The following RBMS3 variants were observed in gnomAD, a reference collection of about 807,000 sequenced individuals.
The protein encoded by RBMS3 is RNA-binding motif, single-stranded-interacting protein 3.
In RBMS3, 27 loss-of-function variants were observed where a neutral mutation model predicts 66.8. The ratio of observed to expected loss-of-function variants is 0.40; its 90% CI spans 0.30 to 0.56. The LOEUF is 0.56. RBMS3 is among the 20% of genes least tolerant of loss of function. The pLI is 0.40. For missense variants in RBMS3, 513 were observed against 549.5 expected, an observed-to-expected ratio of 0.93 and a Z score of 0.66; for synonymous variants, 188 against 183.0, an observed-to-expected ratio of 1.03 and a Z score of -0.22.
intron 1 of RBMS3, among the ~76,000 whole-genome samples, chr3:29,391,374 A>G (rs1006958863): frequency 1.2e-4 from 19 of 152,354 alleles, no homozygotes; most frequent in Admixed American, 3.9e-4. Context: ...AGATGGAGCA[A>G]GCCAGGTAGA....
intron 1 of RBMS3, among the ~76,000 whole-genome samples, chr3:29,427,117 G>A (rs1373288315): frequency 2.6e-5 from 4 of 152,200 alleles, no homozygotes; most frequent in Admixed American, 2.6e-4. Context: ...TTCATGAGGA[G>A]TTTTGTCTTT....
intron 3 of RBMS3, among the ~76,000 whole-genome samples, chr3:29,507,680 G>A (rs918539204): frequency 6.6e-6 from 1 of 152,010 alleles, no homozygotes; most frequent in Non-Finnish European, 1.5e-5. Context: ...ACAAGACCTA[G>A]CACATAATAT....
intron 1 of RBMS3, among the ~76,000 whole-genome samples, chr3:29,377,988 C>G (rs868035665): frequency 5.9e-5 from 9 of 152,212 alleles, no homozygotes; most frequent in Middle Eastern, 3.4e-3. Context: ...ATATTATCAC[C>G]TTAATATATA....
At chr3:29,631,951 C>T (rs1200396202) in intron 4 of RBMS3, among the ~76,000 whole-genome samples, 1 of 151,938 alleles carries the variant, frequency 6.6e-6, no homozygotes, top group African/African-American at 2.4e-5. Flanking sequence ...GCGACACATA[C>T]ATGTGCATTT....
chr3:29,371,014 T>G (rs2038170222), intron 1 of RBMS3, among the ~76,000 whole-genome samples: 1 of 152,240 alleles, frequency 6.6e-6, no homozygotes, highest in Admixed American at 6.5e-5. Flanking sequence ...TGATTGCTAA[T>G]GTCATTTTCA....
chr3:29,998,335 A>T (rs1012399517), intron 14 of RBMS3, among the ~76,000 whole-genome samples: 1 of 152,202 alleles, frequency 6.6e-6, no homozygotes, highest in Non-Finnish European at 1.5e-5. Context: ...AATTGGCCAT[A>T]CTGCCCAAGG....
At chr3:29,948,060 T>G (rs1433656908) in intron 12 of RBMS3, among the ~76,000 whole-genome samples, 2 of 151,640 alleles carry the variant, frequency 1.3e-5, no homozygotes, top group Admixed American at 1.3e-4. Context: ...CATTCTTTGC[T>G]CTAACCTTTT....
chr3:29,411,370 C>T (rs2040259445), intron 1 of RBMS3, among the ~76,000 whole-genome samples: 1 of 152,078 alleles, frequency 6.6e-6, no homozygotes, highest in African/African-American at 2.4e-5. Context: ...TTGACAAATC[C>T]TCATTCTATA....
At chr3:29,498,653 T>A (rs2043853489) in intron 3 of RBMS3, among the ~76,000 whole-genome samples, 1 of 152,180 alleles carries the variant, frequency 6.6e-6, no homozygotes, top group African/African-American at 2.4e-5. Flanking sequence ...GAACATCTGT[T>A]TTTCAACTGT....
At chr3:29,722,883 C>A (rs913061757) in intron 4 of RBMS3, among the ~76,000 whole-genome samples, 1 of 152,042 alleles carries the variant, frequency 6.6e-6, no homozygotes, top group African/African-American at 2.4e-5. Flanking sequence ...GTGATATTTG[C>A]CAAATGTCTC....
At chr3:29,498,399 G>A (rs2043842330) in intron 3 of RBMS3, among the ~76,000 whole-genome samples, 1 of 151,802 alleles carries the variant, frequency 6.6e-6, no homozygotes, top group Non-Finnish European at 1.5e-5. Flanking sequence ...ATTAATACAT[G>A]GCAAATTGTA....
chr3:29,976,447 C>A (rs1403917449), intron 12 of RBMS3, among the ~76,000 whole-genome samples: 2 of 152,008 alleles, frequency 1.3e-5, no homozygotes, highest in African/African-American at 4.8e-5. Context: ...TATACTAAAA[C>A]TAATATAAAG....
At chr3:29,736,292 C>G (rs924201562) in intron 4 of RBMS3, among the ~76,000 whole-genome samples, 1 of 152,186 alleles carries the variant, frequency 6.6e-6, no homozygotes, top group South Asian at 2.1e-4. Context: ...GTGCTACTGT[C>G]TCTGTGAATA....
At chr3:29,840,606 A>T (rs1471317087) in intron 6 of RBMS3, among the ~76,000 whole-genome samples, 1 of 152,018 alleles carries the variant, frequency 6.6e-6, no homozygotes, top group Non-Finnish European at 1.5e-5. Flanking sequence ...AAAAATTTTG[A>T]CTTTGTGAAC....
chr3:29,837,663 CATATATATATATATAT>C (rs3070797), intron 6 of RBMS3, among the ~76,000 whole-genome samples: 10,379 of 67,734 alleles, frequency 0.15, 679 homozygotes, highest in Admixed American at 0.19. Flanking sequence ...ATATAATGAA[CATATATATATATATAT>C]ATATATATAT....
intron 4 of RBMS3, among the ~76,000 whole-genome samples, chr3:29,623,989 C>A (rs2048968848): frequency 6.6e-6 from 1 of 152,294 alleles, no homozygotes; most frequent in East Asian, 1.9e-4. Flanking sequence ...GGCTATTATT[C>A]TAGCTATGTG....
intron 4 of RBMS3, chr3:29,730,905 A>G: frequency 1.0e-6 from 1 of 985,350 alleles, no homozygotes; most frequent in Non-Finnish European, 1.2e-6. Flanking sequence ...CCATCACATC[A>G]GGGCTGATAA....
At chr3:29,527,687 G>A (rs2045184020) in intron 3 of RBMS3, among the ~76,000 whole-genome samples, 1 of 152,138 alleles carries the variant, frequency 6.6e-6, no homozygotes, top group South Asian at 2.1e-4. Context: ...AATGCTTCCT[G>A]ATTTATAATT....
chr3:29,725,976 C>G (rs994980729), intron 4 of RBMS3, among the ~76,000 whole-genome samples: 1 of 152,078 alleles, frequency 6.6e-6, no homozygotes, highest in Non-Finnish European at 1.5e-5. Flanking sequence ...ACTTGCAAAC[C>G]GAATCTGGCA....
Sources: allele counts gnomAD v4.1 joint callset (sites outside exome capture counted in the v4.1 genomes callset), GRCh38; gene constraint gnomAD v4.1.1; transcripts MANE v1.5; gene names NCBI Gene and HGNC (gene_info 2026-07-23, HGNC 2026-07-21).